Variants in DIPK1A observed in about 807,000 individuals in gnomAD.
DIPK1A encodes the protein family with sequence similarity 69 member A.
Under a neutral mutation model 40.8 loss-of-function variants are expected in DIPK1A, and 27 were observed. That is an observed-to-expected ratio of 0.66 (90% CI 0.49 to 0.91). The LOEUF is 0.91. Among genes scored for constraint, DIPK1A ranks in the 40% least tolerant of loss-of-function variants. The probability of loss-of-function intolerance (pLI) is 0.00; values close to 1 mark genes in which losing one functional copy is unlikely to be tolerated. For missense variants in DIPK1A, 412 were observed against 505.7 expected (o/e 0.81, Z 1.78); for synonymous variants, 166 against 171.3 (o/e 0.97, Z 0.24).
At chr1:92,921,570 G>A (rs1015069931) in intron 1 of DIPK1A, among the ~76,000 whole-genome samples, 13 of 152,176 alleles carry the variant, frequency 8.5e-5, no homozygotes, top group Admixed American at 5.2e-4. Flanking sequence ...TGGGACCTGA[G>A]GAACCTGGCT....
At chr1:92,936,108 C>A (rs1308893321) in intron 1 of DIPK1A, among the ~76,000 whole-genome samples, 1 of 151,602 alleles carries the variant, frequency 6.6e-6, no homozygotes, top group Admixed American at 6.6e-5. Flanking sequence ...AAAAGAACAA[C>A]AATAAGAACA....
chr1:92,866,078 A>G (rs1308943200), intron 2 of DIPK1A, among the ~76,000 whole-genome samples: 1 of 152,136 alleles, frequency 6.6e-6, no homozygotes, highest in Non-Finnish European at 1.5e-5. Context: ...ATATAAAAAG[A>G]AACCTCCAAA....
chr1:92,877,462 A>G (rs767404278), intron 1 of DIPK1A, among the ~76,000 whole-genome samples: 1 of 152,232 alleles, frequency 6.6e-6, no homozygotes, highest in Non-Finnish European at 1.5e-5. Context: ...TGAGCATGCA[A>G]AGAAGCAGAA....
intron 2 of DIPK1A, among the ~76,000 whole-genome samples, chr1:92,857,085 CAT>C (rs1438983358): frequency 1.3e-5 from 2 of 152,070 alleles, no homozygotes; most frequent in Admixed American, 1.3e-4. Context: ...CAAACATAAA[CAT>C]AGTATTTATG....
At chr1:92,917,567 G>A (rs1320411756) in intron 1 of DIPK1A, among the ~76,000 whole-genome samples, 1 of 152,146 alleles carries the variant, frequency 6.6e-6, no homozygotes, top group Non-Finnish European at 1.5e-5. Flanking sequence ...TAAATAGAAA[G>A]TGAAAGGTTC....
rs556711667 is a variant in DIPK1A, at chr1:92,906,639, C to T, written c.55-30209G>A. Among the ~76,000 whole-genome samples, 84 of 152,062 alleles carry T rather than the reference C, an allele frequency of 5.5e-4. 1 individual carries two copies. The highest frequency in any genetic ancestry group is 5.3e-3 in the Admixed American group (81 of 15,254). ...ATTGGGGGATATACTCAAAAAATTT[C>T]CCAGTAGAGATGCACAGTCAAAAAA... is the stretch of plus-strand genomic sequence containing the variant. On this transcript the variant is annotated intron_variant, in intron 1 of 4. Transcript: ENST00000370310.
intron 1 of DIPK1A, among the ~76,000 whole-genome samples, chr1:92,917,299 C>T (rs1320737076): frequency 6.6e-6 from 1 of 152,112 alleles, no homozygotes; most frequent in East Asian, 1.9e-4. Flanking sequence ...ATAGAGTTCT[C>T]AGGTCATACA....
At chr1:92,880,922 T>C (rs1648341149) in intron 1 of DIPK1A, among the ~76,000 whole-genome samples, 1 of 150,934 alleles carries the variant, frequency 6.6e-6, no homozygotes, top group Non-Finnish European at 1.5e-5. Context: ...CGGGGCGCGG[T>C]GGCTCACGCT....
At chr1:92,921,082 T>A (rs1438059336) in intron 1 of DIPK1A, among the ~76,000 whole-genome samples, 1 of 151,948 alleles carries the variant, frequency 6.6e-6, no homozygotes, top group Non-Finnish European at 1.5e-5. Context: ...GGGGAAGGGG[T>A]TGGAGGAAGC....
At chr1:92,838,167 G>C (rs1189578929), downstream of DIPK1A, among the ~76,000 whole-genome samples, 2 of 152,204 alleles carry the variant, frequency 1.3e-5, no homozygotes, top group Non-Finnish European at 2.9e-5. Flanking sequence ...TTTTGGCATA[G>C]CTATTGGTTA....
At chr1:92,903,196 C>T (rs1383499538) in intron 1 of DIPK1A, among the ~76,000 whole-genome samples, 1 of 152,138 alleles carries the variant, frequency 6.6e-6, no homozygotes, top group Non-Finnish European at 1.5e-5. Flanking sequence ...CAGGCACACA[C>T]CACCACTCCA....
chr1:92,858,151 C>G lies in DIPK1A; in HGVS notation c.190-7196G>C, dbSNP rs951820411. Among the ~76,000 whole-genome samples, 8 of 152,298 alleles carry G rather than the reference C, an allele frequency of 5.3e-5. No homozygotes were observed. In the South Asian group the frequency reaches 6.2e-4, roughly 12 times the overall value. Reference sequence around the variant, plus strand: ...CTCTGTCATGAACAATTCATGGGATCGGACTTAAAGAGTGATATCCTTCCA... The same window carrying G: ...CTCTGTCATGAACAATTCATGGGATGGGACTTAAAGAGTGATATCCTTCCA... On this transcript the variant is annotated intron_variant, in intron 2 of 4. Transcript: ENST00000370310.
intron 1 of DIPK1A, among the ~76,000 whole-genome samples, chr1:92,905,542 G>A (rs779478624): frequency 1.3e-5 from 2 of 152,058 alleles, no homozygotes; most frequent in African/African-American, 4.8e-5. Flanking sequence ...CAGATGGGTA[G>A]TTTGCAAATA....
In DIPK1A at chr1:92,843,015, G is replaced by A; in HGVS notation, c.*368C>T. Reference sequence around the variant, plus strand: ...TTATAAATTTTCTTGTTGAACAGCAGCTTCAATGCAAACACAATGCTTCCA... The same window carrying A: ...TTATAAATTTTCTTGTTGAACAGCAACTTCAATGCAAACACAATGCTTCCA... On this transcript the variant is annotated 3_prime_UTR_variant, in exon 5 of 5. Transcript: ENST00000370310. 1 of 997,624 alleles carries A rather than the reference G, an allele frequency of 1.0e-6. No individual in the cohort carries two copies. Among genetic ancestry groups the A allele is most frequent in the Non-Finnish European group, 1.2e-6 (1 of 838,236 alleles). 61.8% of individuals were successfully genotyped at this position (997,624 alleles called of 1,614,324 possible). A position where few individuals can be genotyped will look rare whatever the true frequency, so the allele number is the denominator to read the frequency against.
At position 92,852,502 on chromosome 1, in the gene DIPK1A, A is replaced by C. The variant is rs534740545; in HGVS notation, c.190-1547T>G. Among the ~76,000 whole-genome samples the C allele has an allele frequency of 2.5e-4, 38 of 152,056 alleles. 1 individual carries two copies. The South Asian group carries it at 5.6e-3, about 22-fold the overall frequency. On this transcript the variant is annotated intron_variant, in intron 2 of 4. Coordinates refer to ENST00000370310, the MANE Select transcript of DIPK1A (RefSeq NM_001006605.5). ...GCAAGAAGAGCGAATCTCCGTCTCA[A>C]AAAAAAAGAAAAAAATTTCTAGAAG...
At chr1:92,835,195 T>C in intron 4 of DIPK1A, 1 of 494,672 alleles carries the variant, frequency 2.0e-6, no homozygotes, top group Middle Eastern at 5.8e-4. Flanking sequence ...AATCCACTTG[T>C]AGCTAGTGTC....
At chr1:92,869,924 T>C (rs1414606103) in intron 2 of DIPK1A, among the ~76,000 whole-genome samples, 1 of 152,070 alleles carries the variant, frequency 6.6e-6, no homozygotes, top group Non-Finnish European at 1.5e-5. Flanking sequence ...CCATAATTCA[T>C]GAAATGGCCA....
intron 1 of DIPK1A, among the ~76,000 whole-genome samples, chr1:92,913,724 T>C (rs1347297005): frequency 1.3e-5 from 2 of 152,238 alleles, no homozygotes; most frequent in Admixed American, 6.5e-5. Context: ...CTCTGCCGCA[T>C]AGCTCTCCCT....
chr1:92,835,530 T>A (rs2100682554), intron 4 of DIPK1A, among the ~76,000 whole-genome samples: 1 of 150,928 alleles, frequency 6.6e-6, no homozygotes, highest in East Asian at 1.9e-4. Flanking sequence ...CATGATGGTG[T>A]GTGTCTGTAG....
Sources: allele counts gnomAD v4.1 joint callset (sites outside exome capture counted in the v4.1 genomes callset), GRCh38; gene constraint gnomAD v4.1.1; transcripts MANE v1.5; gene names NCBI Gene and HGNC (gene_info 2026-07-23, HGNC 2026-07-21).